Variants in SLA observed in about 807,000 individuals in gnomAD.
SLA encodes Src like adaptor, also known as src-like-adapter.
SLA carries 16 observed loss-of-function variants against 30.3 expected under a neutral mutation model. The observed-to-expected ratio is 0.53, with a 90% confidence interval of 0.36 to 0.80. The LOEUF (loss-of-function observed/expected upper bound fraction) is 0.80. SLA is among the 30% of genes least tolerant of loss of function. The pLI, the probability that SLA is intolerant of heterozygous loss-of-function variation, is 0.01. For synonymous variants in SLA, 143 were observed against 137.8 expected (o/e 1.04, Z -0.26); for missense variants, 310 against 345.2 (o/e 0.90, Z 0.81).
chr8:133,058,163 C>T (rs1007802180), intron 3 of SLA, among the ~76,000 whole-genome samples: 1 of 152,164 alleles, frequency 6.6e-6, no homozygotes, highest in Non-Finnish European at 1.5e-5. Context: ...ATCACTGCAC[C>T]GCCTTCCCCT....
At chr8:133,081,569 T>A (rs7014451) in intron 1 of SLA, among the ~76,000 whole-genome samples, 38,893 of 151,870 alleles carry the variant, frequency 0.26, 5,274 homozygotes, top group African/African-American at 0.31. Context: ...GGCCCTAAAA[T>A]TATTCTCAGG....
chr8:133,086,745 C>A (rs529220088), intron 1 of SLA, among the ~76,000 whole-genome samples: 1 of 152,254 alleles, frequency 6.6e-6, no homozygotes, highest in East Asian at 1.9e-4. Context: ...AAAACTTTCT[C>A]ATTTCTTTAT....
chr8:133,080,987 G>C lies in SLA; in HGVS notation c.-318-5857C>G, dbSNP rs1285646673. Among the ~76,000 whole-genome samples, 4 of 152,286 alleles carry C rather than the reference G, an allele frequency of 2.6e-5. No homozygotes were observed. The East Asian group carries it at 5.8e-4, about 22-fold the overall frequency. ...GGAATGGGACACATTGCGTATTGGA[G>C]TAACGAGCAAGAGAGGATTTGAAGT... On this transcript the variant is annotated intron_variant, in intron 1 of 8. Transcript: ENST00000338087.
intron 1 of SLA, among the ~76,000 whole-genome samples, chr8:133,080,385 A>T (rs1199850377): frequency 6.6e-6 from 1 of 152,098 alleles, no homozygotes; most frequent in African/African-American, 2.4e-5. Context: ...CACTCAGCTG[A>T]TGAGTGACAC....
chr8:133,047,849 T>C lies in SLA; in HGVS notation c.333A>G (p.Arg111=). The C allele has an allele frequency of 1.2e-6, 2 of 1,602,856 alleles. No homozygotes were observed. The highest frequency in any genetic ancestry group is 2.2e-5 in the East Asian group (1 of 44,820). ...PDTKVGSFMI[R]ESETKKGFYS... is the part of the protein sequence containing the mutation. ...ACTCACCTTTCTTGGTCTCACTCTC[T>C]CTGATCATGAAGGAGCCGACCTTTG... is the stretch of plus-strand genomic sequence containing the variant. The change falls in exon 6 of 9, where the codon AGA becomes AGG. Residue 111 remains arginine, a synonymous_variant. Coordinates refer to ENST00000338087, the MANE Select transcript of SLA (RefSeq NM_001045556.3).
intron 5 of SLA, among the ~76,000 whole-genome samples, chr8:133,048,187 A>G (rs758431798): frequency 2.0e-5 from 3 of 152,132 alleles, no homozygotes; most frequent in Non-Finnish European, 4.4e-5. Context: ...CAATTCCATA[A>G]CCACCTCACT....
At chr8:133,038,926 G>T (rs183334795) in intron 8 of SLA, among the ~76,000 whole-genome samples, 189 bp from the exon 9 acceptor site, 7 of 152,134 alleles carry the variant, frequency 4.6e-5, no homozygotes, top group Non-Finnish European at 1.0e-4. Context: ...TGCCCAGGCT[G>T]GAGTGCAGTG....
In SLA at chr8:133,047,927, C is replaced by A. The variant is rs558354498; in HGVS notation, c.255G>T (p.Leu85=). 1.2e-6 allele frequency: 2 copies of A among 1,605,588 alleles called. No homozygotes were observed. Among genetic ancestry groups the A allele is most frequent in the Non-Finnish European group, 1.7e-6 (2 of 1,173,930 alleles). ...ICVARVYHGW[L]FEGLGRDKAE... is the part of the protein sequence containing the mutation. ...CCTTGTCTCTGCCCAGGCCCTCAAA[C>A]AGCCAGCTGGGAAGGAGGAAGACAG... The change falls in exon 6 of 9, where the codon CTG becomes CTT. Residue 85 remains leucine, a synonymous_variant. Transcript: ENST00000338087.
chr8:133,048,011 A>G, intron 5 of SLA, 78 bp from the exon 6 acceptor site: 1 of 787,684 alleles, frequency 1.3e-6, no homozygotes, highest in South Asian at 1.6e-5. Flanking sequence ...CACCCACCGT[A>G]CTAAGCACCT....
intron 1 of SLA, chr8:133,096,339 A>G (rs764074852): frequency 6.2e-7 from 1 of 1,614,084 alleles, no homozygotes; most frequent in African/African-American, 1.3e-5. Flanking sequence ...AGTTCTCAGG[A>G]CGACGGGCTC....
chr8:133,049,671 A>G, intron 5 of SLA: 1 of 529,660 alleles, frequency 1.9e-6, no homozygotes, highest in African/African-American at 1.9e-5. Flanking sequence ...GTTAGAGCTG[A>G]AAGGTCCAAC....
intron 2 of SLA, among the ~76,000 whole-genome samples, chr8:133,067,865 A>AAG: frequency 1.9e-5 from 1 of 53,632 alleles, no homozygotes; most frequent in Non-Finnish European, 3.4e-5. Flanking sequence ...AAAGAAAGAA[A>AAG]GAAAGGAAGG....
At chr8:133,054,399 C>T (rs1048438926) in intron 3 of SLA, among the ~76,000 whole-genome samples, 4 of 152,122 alleles carry the variant, frequency 2.6e-5, no homozygotes, top group East Asian at 1.9e-4. Context: ...ATCCCACCTC[C>T]GCCACTACAC....
chr8:133,040,919 T>C (rs1838097899), intron 7 of SLA, among the ~76,000 whole-genome samples: 1 of 152,346 alleles, frequency 6.6e-6, no homozygotes, highest in East Asian at 1.9e-4. Flanking sequence ...CCCGTTTCTT[T>C]TTTCTCTTGC....
chr8:133,081,210 C>T (rs963232522), intron 1 of SLA, among the ~76,000 whole-genome samples: 4 of 152,260 alleles, frequency 2.6e-5, no homozygotes, highest in South Asian at 2.1e-4. Context: ...GGAGCCTGAG[C>T]TTGGGAAGGC....
intron 7 of SLA, among the ~76,000 whole-genome samples, chr8:133,044,375 A>G (rs1838898267): frequency 6.6e-6 from 1 of 152,148 alleles, no homozygotes; most frequent in Admixed American, 6.5e-5. Flanking sequence ...GGGAGAATTC[A>G]GACCTCTCTC....
chr8:133,047,321 C>G (rs947545067), intron 6 of SLA: 1 of 154,160 alleles, frequency 6.5e-6, no homozygotes, highest in Admixed American at 6.5e-5. Context: ...GATTTAGTTA[C>G]GGAGCACAGA....
Position 133,060,143 on chromosome 8 carries a change from T to A in SLA, c.18A>T (p.Lys6Asn). The A allele has an allele frequency of 6.2e-7, 1 of 1,612,536 alleles. No individual in the cohort carries two copies. The highest frequency in any genetic ancestry group is 2.2e-5 in the East Asian group (1 of 44,760). ...GCCTCTCGGCAGGCGCAGGGGTGGA[T>A]TTCATGCTGTTTCCCATTTCTTTCT... MGNSMKSTPAPAERPL... is the reference protein window; with the variant it reads MGNSMNSTPAPAERPL... Residue 6 changes from lysine (K) to asparagine (N), a missense_variant, in exon 3 of 9, where the codon AAA becomes AAT. Lys to Asn is a moderately conservative substitution (Grantham distance 94). Transcript: ENST00000338087.
chr8:133,085,317 C>T lies in SLA; in HGVS notation c.-318-10187G>A, dbSNP rs1486167876. The stretch of plus-strand genomic sequence containing the variant: ...AGGCAAGCATTTCTTAGATAAGACA[C>T]CAAACCTCAGGCAGCAAAAGAAAAA... On this transcript the variant is annotated intron_variant, in intron 1 of 8. Coordinates refer to ENST00000338087, the MANE Select transcript of SLA (RefSeq NM_001045556.3). Among the ~76,000 whole-genome samples the T allele has an allele frequency of 2.6e-5, 4 of 152,160 alleles. No homozygotes were observed. The East Asian group carries it at 7.7e-4, about 29-fold the overall frequency.
Sources: gnomAD v4.1 joint callset for allele counts (sites outside exome capture counted in the v4.1 genomes callset) on GRCh38, gnomAD v4.1.1 for gene constraint, MANE v1.5 for transcripts, NCBI Gene and HGNC (gene_info 2026-07-23, HGNC 2026-07-21) for gene names.